DRC3: variants seen among roughly 807,000 people sequenced by gnomAD.
DRC3 encodes the protein dynein regulatory complex subunit 3, also known as leucine rich repeat containing 48.
Under a neutral mutation model 57.6 loss-of-function variants are expected in DRC3, and 45 were observed. The observed-to-expected ratio is 0.78, with a 90% CI of 0.62 to 1.00. DRC3 has a LOEUF of 1.00. Ranked by LOEUF, DRC3 falls within the 50% of genes least tolerant of loss-of-function variation. DRC3 has a pLI of 0.00. For synonymous variants in DRC3, 257 were observed against 272.3 expected, an observed-to-expected ratio of 0.94 and a Z score of 0.55; for missense variants, 655 against 675.2, an observed-to-expected ratio of 0.97 and a Z score of 0.33.
chr17:17,983,988 A>G, intron 4 of DRC3, 44 bp downstream of exon 4: 1 of 1,290,396 alleles, frequency 7.7e-7, no homozygotes, highest in Non-Finnish European at 1.1e-6. Flanking sequence ...CGAAGGTGAC[A>G]CCCTGACAAG....
intron 9 of DRC3, among the ~76,000 whole-genome samples, chr17:18,001,704 GAA>G (rs2043738650): frequency 6.6e-6 from 1 of 152,120 alleles, no homozygotes; most frequent in African/African-American, 2.4e-5. Context: ...GCTGTGGCAG[GAA>G]GATCGCTTGA....
At chr17:17,991,359 C>T (rs960040053) in intron 5 of DRC3, among the ~76,000 whole-genome samples, 5 of 126,992 alleles carry the variant, frequency 3.9e-5, no homozygotes, top group African/African-American at 1.5e-4. Context: ...GGTGCAATCT[C>T]GGCTCACTGC....
chr17:17,983,168 G>A (rs1052196000), intron 3 of DRC3, among the ~76,000 whole-genome samples: 4 of 152,180 alleles, frequency 2.6e-5, no homozygotes, highest in African/African-American at 7.2e-5. Flanking sequence ...AGGCACTTCC[G>A]TGATATCAGG....
At chr17:18,010,483 G>A (rs1391905604) in intron 12 of DRC3, among the ~76,000 whole-genome samples, 1 of 152,104 alleles carries the variant, frequency 6.6e-6, no homozygotes, top group Non-Finnish European at 1.5e-5. Context: ...CTACAATTTA[G>A]AATCACAAAA....
chr17:18,016,406 A>G, intron 13 of DRC3, 152 bp from the exon 14 acceptor site: 1 of 784,524 alleles, frequency 1.3e-6, no homozygotes, highest in Non-Finnish European at 2.0e-6. Flanking sequence ...TACCTCAAAT[A>G]TACAGAGATC....
chr17:17,979,438 C>T (rs1044746142), intron 3 of DRC3, among the ~76,000 whole-genome samples: 2 of 152,214 alleles, frequency 1.3e-5, no homozygotes, highest in South Asian at 2.1e-4. Flanking sequence ...AGTAAGATGG[C>T]CACTGCTGTA....
intron 4 of DRC3, 129 bp downstream of exon 4, chr17:17,984,073 GA>G: frequency 1.6e-6 from 1 of 614,386 alleles, no homozygotes; most frequent in Non-Finnish European, 2.8e-6. Flanking sequence ...GGGTACGGCA[GA>G]AGCTCTGCCT....
intron 9 of DRC3, among the ~76,000 whole-genome samples, chr17:18,001,804 T>A (rs192589210): frequency 1.2e-3 from 178 of 152,264 alleles, no homozygotes; most frequent in Non-Finnish European, 2.2e-3. Context: ...AATTAAAAAA[T>A]TTTTAAGGTA....
chr17:17,995,475 CA>C lies in DRC3; in HGVS notation c.824+365del, dbSNP rs2043421658. On this transcript the variant is annotated intron_variant, in intron 8 of 13. Coordinates refer to ENST00000399187, the MANE Select transcript of DRC3 (RefSeq NM_031294.4). ...GCATTTATTGTTTTCTCAACCACCC[CA>C]CTAGGCAGGTACCATCATTAACCCC... 3 of 209,966 alleles carry C rather than the reference CA, an allele frequency of 1.4e-5. No individual in the cohort carries two copies. The South Asian group carries it at 2.2e-4, about 16-fold the overall frequency. The allele number at this position is 209,966 out of a possible 1,614,324, so 13.0% of individuals were successfully genotyped here. A position where few individuals can be genotyped will look rare whatever the true frequency, so the allele number is the denominator to read the frequency against.
chr17:18,000,366 G>T (rs2043676386), intron 9 of DRC3, among the ~76,000 whole-genome samples: 1 of 151,634 alleles, frequency 6.6e-6, no homozygotes, highest in Non-Finnish European at 1.5e-5. Flanking sequence ...GAGTGTGTGT[G>T]TGTGTGTGTG....
chr17:18,006,970 C>T lies in DRC3; in HGVS notation c.1203-54C>T, dbSNP rs1432083701. 1.2e-5 allele frequency: 19 copies of T among 1,607,020 alleles called. No individual in the cohort carries two copies. In the Middle Eastern group the frequency reaches 5.0e-4, roughly 42 times the overall value. ...TCTGTCTCCCGCCGTCTGAGAGCAT[C>T]AGGGACGCGCCGGGCCTGCTCCTCC... On this transcript the variant is annotated intron_variant, in intron 11 of 13. Coordinates refer to ENST00000399187, the MANE Select transcript of DRC3 (RefSeq NM_031294.4).
intron 5 of DRC3, among the ~76,000 whole-genome samples, chr17:17,990,903 A>G (rs1317928995): frequency 1.3e-5 from 2 of 152,172 alleles, no homozygotes; most frequent in East Asian, 1.9e-4. Flanking sequence ...AGACAGAAGA[A>G]TCGCTTGAAC....
At chr17:18,011,288 A>G (rs545616050) in intron 12 of DRC3, 3 of 328,806 alleles carry the variant, frequency 9.1e-6, no homozygotes, top group East Asian at 2.5e-4. Flanking sequence ...ATGCCAGTGC[A>G]GAAGCAGACC....
intron 3 of DRC3, among the ~76,000 whole-genome samples, chr17:17,982,207 G>A (rs183922695): frequency 1.3e-4 from 19 of 151,012 alleles, no homozygotes; most frequent in African/African-American, 4.6e-4. Context: ...TGGCCAGGAT[G>A]GTCTCCATCT....
At chr17:17,979,916 G>C (rs1476649872) in intron 3 of DRC3, among the ~76,000 whole-genome samples, 1 of 152,170 alleles carries the variant, frequency 6.6e-6, no homozygotes, top group East Asian at 1.9e-4. Flanking sequence ...CCCAGGAGAG[G>C]CACTACGCAG....
chr17:17,975,519 C>G (rs547649933), intron 2 of DRC3, among the ~76,000 whole-genome samples: 2 of 141,316 alleles, frequency 1.4e-5, no homozygotes, highest in African/African-American at 5.3e-5. Flanking sequence ...CTCCCCACCC[C>G]CCCCCCAAAA....
At chr17:17,988,991 G>C (rs957865376) in intron 5 of DRC3, among the ~76,000 whole-genome samples, 2 of 152,198 alleles carry the variant, frequency 1.3e-5, no homozygotes, top group Non-Finnish European at 1.5e-5. Flanking sequence ...TGCTGCCCAG[G>C]CTTTTGCAGG....
chr17:18,013,439 T>TA (rs2044238199), intron 12 of DRC3, among the ~76,000 whole-genome samples: 1 of 152,192 alleles, frequency 6.6e-6, no homozygotes, highest in South Asian at 2.1e-4. Context: ...ATGTGGTACC[T>TA]ATACACAATG....
intron 9 of DRC3, 80 bp from the exon 10 acceptor site, chr17:18,004,282 AC>A: frequency 1.4e-6 from 2 of 1,475,918 alleles, no homozygotes; most frequent in African/African-American, 1.4e-5. Flanking sequence ...CCAAATTCTT[AC>A]CCACAAAACC....
Sources: gnomAD v4.1 joint callset for allele counts (sites outside exome capture counted in the v4.1 genomes callset) on GRCh38, gnomAD v4.1.1 for gene constraint, MANE v1.5 for transcripts, NCBI Gene and HGNC (gene_info 2026-07-23, HGNC 2026-07-21) for gene names.